The following CCSER1 variants were observed in gnomAD, a reference collection of about 807,000 sequenced individuals.
CCSER1 encodes serine-rich coiled-coil domain-containing protein 1.
CCSER1 carries 41 observed loss-of-function variants against 82.0 expected under a neutral mutation model. The ratio of observed to expected loss-of-function variants is 0.50; its 90% CI spans 0.39 to 0.65. The LOEUF (loss-of-function observed/expected upper bound fraction) is 0.65, where lower values mean the gene tolerates loss of function less well. CCSER1 is among the 30% of genes least tolerant of loss of function. CCSER1 has a pLI of 0.00. For synonymous variants in CCSER1, 414 were observed against 383.9 expected (o/e 1.08, Z -0.92); for missense variants, 1,119 against 1,064.2 (o/e 1.05, Z -0.72).
intron 1 of CCSER1, among the ~76,000 whole-genome samples, chr4:90,292,395 A>G (rs1306627807): frequency 6.6e-6 from 1 of 151,940 alleles, no homozygotes; most frequent in Non-Finnish European, 1.5e-5. Flanking sequence ...GGGCTCACAT[A>G]ATTCATCTAA....
chr4:91,034,940 C>T (rs564003717), intron 9 of CCSER1, among the ~76,000 whole-genome samples: 37 of 152,060 alleles, frequency 2.4e-4, no homozygotes, highest in Non-Finnish European at 4.7e-4. Context: ...GGAGAAATAG[C>T]TTGACATTTT....
chr4:91,404,373 GT>G (rs1222068890), intron 10 of CCSER1, among the ~76,000 whole-genome samples: 12 of 151,948 alleles, frequency 7.9e-5, no homozygotes, highest in Admixed American at 1.3e-4. Flanking sequence ...TTCTTGAAGG[GT>G]TTTTTTCTGT....
intron 4 of CCSER1, among the ~76,000 whole-genome samples, chr4:90,432,213 ATCT>A (rs1300956497): frequency 1.3e-5 from 2 of 152,182 alleles, no homozygotes; most frequent in East Asian, 1.9e-4. Context: ...TATGGTAGTA[ATCT>A]TCTTATTTCA....
chr4:91,307,095 T>C (rs953036316), intron 10 of CCSER1, among the ~76,000 whole-genome samples: 1 of 151,996 alleles, frequency 6.6e-6, no homozygotes, highest in Non-Finnish European at 1.5e-5. Context: ...CAACAATCTA[T>C]GATTTTTCAA....
intron 1 of CCSER1, among the ~76,000 whole-genome samples, chr4:90,250,532 AG>A (rs1156241351): frequency 2.0e-5 from 3 of 152,044 alleles, no homozygotes; most frequent in Non-Finnish European, 4.4e-5. Context: ...CAAAAATATA[AG>A]GGCTATCTGT....
chr4:90,168,247 G>A (rs1730904403), intron 1 of CCSER1, among the ~76,000 whole-genome samples: 1 of 152,114 alleles, frequency 6.6e-6, no homozygotes, highest in African/African-American at 2.4e-5. Context: ...ATTATTTCAT[G>A]TGTCTTTTGG....
At chr4:91,285,624 T>G (rs895218965) in intron 10 of CCSER1, among the ~76,000 whole-genome samples, 2 of 151,854 alleles carry the variant, frequency 1.3e-5, no homozygotes, top group Admixed American at 1.3e-4. Context: ...GGTCTTAAGT[T>G]GCAATATTTA....
chr4:90,156,589 A>C (rs1340889212), intron 1 of CCSER1, among the ~76,000 whole-genome samples: 1 of 152,180 alleles, frequency 6.6e-6, no homozygotes. Context: ...TAGGATAGTT[A>C]GCTCTTCTTG....
rs560172288 is a variant in CCSER1 at position 90,182,251 on chromosome 4, T to TA, written c.-42+54421dup. 1.8e-3 allele frequency among the ~76,000 whole-genome samples: 269 copies of TA among 152,266 alleles called. 3 individuals are homozygous for TA. Among genetic ancestry groups the TA allele is most frequent in the African/African-American group, 5.8e-3 (241 of 41,560 alleles). ...TTCTTATACTTTGGAAAATAAGAGT[T>TA]ATGGTTTTGAAACACTAGAATACAG... On this transcript the variant is annotated intron_variant, in intron 1 of 10. Transcript: ENST00000509176.
At position 90,138,483 on chromosome 4, in the gene CCSER1, C is replaced by T. The variant is rs185578282; in HGVS notation, c.-42+10652C>T. ...CTATTTCATAGACTGAAAATTTGTT[C>T]TTAATTTGGAGCTGAATAGCCAACA... On this transcript the variant is annotated intron_variant, in intron 1 of 10. Transcript: ENST00000509176. Among the ~76,000 whole-genome samples, 242 of 152,274 alleles carry T rather than the reference C, an allele frequency of 1.6e-3. 1 individual carries two copies. Among genetic ancestry groups the T allele is most frequent in the African/African-American group, 5.5e-3 (230 of 41,562 alleles).
In CCSER1 at chr4:90,423,742, GC is replaced by G. The variant is rs1253200835; in HGVS notation, c.1603+23614del. On this transcript the variant is annotated intron_variant, in intron 4 of 10. Coordinates refer to ENST00000509176, the MANE Select transcript of CCSER1 (RefSeq NM_001145065.2). ...TCCGCCTGCATCGGCTTCCCAAAGT[GC>G]TGGGATTACAGGCGTGAGCCACTGC... 2.0e-5 allele frequency among the ~76,000 whole-genome samples: 3 copies of G among 152,002 alleles called. No homozygotes were observed. In the East Asian group the frequency reaches 5.8e-4, roughly 30 times the overall value.
chr4:91,380,086 G>A (rs897179855), intron 10 of CCSER1, among the ~76,000 whole-genome samples: 9 of 152,128 alleles, frequency 5.9e-5, no homozygotes, highest in African/African-American at 2.2e-4. Context: ...CTGAGTTCTA[G>A]TTTGATTGCA....
chr4:91,419,154 C>A (rs1271437778), intron 10 of CCSER1, among the ~76,000 whole-genome samples: 3 of 151,886 alleles, frequency 2.0e-5, no homozygotes, highest in Non-Finnish European at 4.4e-5. Flanking sequence ...TGAAGCTTTT[C>A]CTCTAATATC....
In CCSER1 at chr4:90,381,143, A is replaced by T. The variant is rs535247087; in HGVS notation, c.1510-18893A>T. ...GTTCAGTGAGGGCAGAGTGGCCATG[A>T]CCTGAAAGCAAGCCTGGGAAACCAG... On this transcript the variant is annotated intron_variant, in intron 3 of 10. Transcript: ENST00000509176. 3.3e-5 allele frequency among the ~76,000 whole-genome samples: 5 copies of T among 152,340 alleles called. No individual in the cohort carries two copies. The East Asian group carries it at 7.7e-4, about 23-fold the overall frequency.
intron 5 of CCSER1, among the ~76,000 whole-genome samples, chr4:90,490,581 C>G (rs1465193111): frequency 1.3e-5 from 2 of 152,074 alleles, no homozygotes; most frequent in African/African-American, 4.8e-5. Context: ...GGTGTTTATA[C>G]ATGAAGTCCT....
At chr4:90,388,243 T>C (rs1266869850) in intron 3 of CCSER1, among the ~76,000 whole-genome samples, 1 of 152,226 alleles carries the variant, frequency 6.6e-6, no homozygotes, top group Non-Finnish European at 1.5e-5. Context: ...TTTCCCACTA[T>C]ATACTGTGTT....
At chr4:90,497,130 A>G (rs1442144888) in intron 5 of CCSER1, among the ~76,000 whole-genome samples, 1 of 152,190 alleles carries the variant, frequency 6.6e-6, no homozygotes, top group Non-Finnish European at 1.5e-5. Flanking sequence ...AACATTACAA[A>G]GTTATATTTT....
At chr4:91,061,796 T>C (rs1264515004) in intron 9 of CCSER1, among the ~76,000 whole-genome samples, 1 of 152,094 alleles carries the variant, frequency 6.6e-6, no homozygotes, top group Non-Finnish European at 1.5e-5. Flanking sequence ...GGTAGAGGCT[T>C]TGCCTATTTT....
In CCSER1 at chr4:91,392,199, T is replaced by C. The variant is rs896714539; in HGVS notation, c.2218-206373T>C. Reference sequence around the variant, plus strand: ...AAAAATTGACATCTCGTAAAAGATATCTCTTGAAAAATATAAATTTAGAAC... The same window carrying C: ...AAAAATTGACATCTCGTAAAAGATACCTCTTGAAAAATATAAATTTAGAAC... On this transcript the variant is annotated intron_variant, in intron 10 of 10. Transcript: ENST00000509176. Among the ~76,000 whole-genome samples the C allele has an allele frequency of 2.6e-5, 4 of 152,144 alleles. No homozygotes were observed. The South Asian group carries it at 6.2e-4, about 24-fold the overall frequency.
Sources: allele counts gnomAD v4.1 joint callset (sites outside exome capture counted in the v4.1 genomes callset), GRCh38; gene constraint gnomAD v4.1.1; transcripts MANE v1.5; gene names NCBI Gene and HGNC (gene_info 2026-07-23, HGNC 2026-07-21).